Variants in PADI2 observed in about 807,000 individuals in gnomAD.
PADI2 encodes peptidyl arginine deiminase 2, also known as protein-arginine deiminase type-2.
PADI2 carries 70 observed loss-of-function variants against 81.1 expected under a neutral mutation model. The ratio of observed to expected loss-of-function variants is 0.86; its 90% CI spans 0.71 to 1.05. The LOEUF (loss-of-function observed/expected upper bound fraction) is 1.05. PADI2 is among the 50% of genes least tolerant of loss of function. The pLI is 0.00. For synonymous variants in PADI2, 338 were observed against 358.0 expected (o/e 0.94, Z 0.63); for missense variants, 853 against 889.9 (o/e 0.96, Z 0.53).
chr1:17,078,508 C>T (rs1014607604), intron 11 of PADI2, among the ~76,000 whole-genome samples: 3 of 152,292 alleles, frequency 2.0e-5, no homozygotes, highest in South Asian at 4.1e-4. Flanking sequence ...AAGCAATTCT[C>T]ATGCCTCAGC....
At chr1:17,117,916 T>G (rs1931814285) in intron 1 of PADI2, among the ~76,000 whole-genome samples, 1 of 152,204 alleles carries the variant, frequency 6.6e-6, no homozygotes, top group African/African-American at 2.4e-5. Flanking sequence ...TGCTGTGTTC[T>G]TGTTCTCAGA....
Position 17,075,975 on chromosome 1 carries a change from G to C in PADI2, c.1311-152C>G, listed in dbSNP as rs552497487. 171 of 698,980 alleles carry C rather than the reference G, an allele frequency of 2.4e-4. 1 individual carries two copies. In the African/African-American group the frequency reaches 2.6e-3, roughly 11 times the overall value. 43.3% of individuals were successfully genotyped at this position (698,980 alleles called of 1,614,324 possible). A position where few individuals can be genotyped will look rare whatever the true frequency, so the allele number is the denominator to read the frequency against. ...GACTAGGTTGGGTTAAGAGACCCTG[G>C]CGCAGGCAGTAAGGCGTTTGAGTCC... is the stretch of plus-strand genomic sequence containing the variant. On this transcript the variant is annotated intron_variant, in intron 11 of 15. Transcript: ENST00000375486.
intron 2 of PADI2, among the ~76,000 whole-genome samples, chr1:17,104,676 A>G (rs1213780722): frequency 1.3e-5 from 2 of 151,614 alleles, no homozygotes; most frequent in East Asian, 1.9e-4. Flanking sequence ...CTTGTGATCC[A>G]CCCGCCTCGG....
At chr1:17,112,214 C>G (rs959809417) in intron 1 of PADI2, among the ~76,000 whole-genome samples, 2 of 152,000 alleles carry the variant, frequency 1.3e-5, no homozygotes, top group Admixed American at 1.3e-4. Context: ...GAAATGGCCA[C>G]TAGGTTGGTG....
chr1:17,113,710 G>A (rs1277538293), intron 1 of PADI2, among the ~76,000 whole-genome samples: 1 of 152,226 alleles, frequency 6.6e-6, no homozygotes, highest in Admixed American at 6.5e-5. Context: ...CTAAAGACTG[G>A]CTTCCTGTCC....
chr1:17,113,981 C>A (rs1028868573), intron 1 of PADI2, among the ~76,000 whole-genome samples: 1 of 152,224 alleles, frequency 6.6e-6, no homozygotes, highest in African/African-American at 2.4e-5. Flanking sequence ...CCTGGTTCTC[C>A]TTAGAACACT....
chr1:17,073,826 C>T (rs762161617), intron 13 of PADI2, among the ~76,000 whole-genome samples: 8 of 152,126 alleles, frequency 5.3e-5, no homozygotes, highest in Non-Finnish European at 1.0e-4. Context: ...TGGTTGTCTC[C>T]ACCTGATCAT....
chr1:17,090,274 C>T (rs995953333), intron 6 of PADI2, among the ~76,000 whole-genome samples: 11 of 152,230 alleles, frequency 7.2e-5, no homozygotes, highest in African/African-American at 1.7e-4. Flanking sequence ...CACCACGATC[C>T]GGGACACCCG....
At position 17,116,559 on chromosome 1, in the gene PADI2, T is replaced by C. The variant is rs1244944596; in HGVS notation, c.92+2721A>G. Among the ~76,000 whole-genome samples, 4 of 152,064 alleles carry C rather than the reference T, an allele frequency of 2.6e-5. No homozygotes were observed. The East Asian group carries it at 7.7e-4, about 29-fold the overall frequency. On this transcript the variant is annotated intron_variant, in intron 1 of 15. Coordinates refer to ENST00000375486, the MANE Select transcript of PADI2 (RefSeq NM_007365.3). ...GAAGTCTCTGGGGACAGTGGGCTCG[T>C]GGCCAGGGTGGAAGAGACACAGGCT...
At chr1:17,097,691 G>A (rs933408158) in intron 3 of PADI2, among the ~76,000 whole-genome samples, 3 of 152,162 alleles carry the variant, frequency 2.0e-5, no homozygotes, top group Non-Finnish European at 4.4e-5. Context: ...TCAGCAAATC[G>A]GGCTGGTAAT....
Position 17,075,735 on chromosome 1 carries a change from G to C in PADI2, c.1399C>G (p.Leu467Val), listed in dbSNP as rs771317619. Residue 467 changes from leucine to valine, a missense_variant, in exon 12 of 16, where the codon CTG (leucine) becomes GTG (valine). By Grantham distance (32) the Leu-to-Val change is conservative (BLOSUM62 1). Transcript: ENST00000375486. ...AACTCATCCACGTGGCCCACAGTCA[G>C]CCAGTCTGAGTAGAGCTCCACGGGC... Reference protein sequence around the residue: ...QAPVELYSDWLTVGHVDEFMS... With the variant: ...QAPVELYSDWVTVGHVDEFMS... 3.7e-6 allele frequency: 6 copies of C among 1,614,032 alleles called. No homozygotes were observed. Among genetic ancestry groups the C allele is most frequent in the Non-Finnish European group, 5.1e-6 (6 of 1,179,952 alleles).
intron 6 of PADI2, among the ~76,000 whole-genome samples, chr1:17,088,917 A>AAAAAC (rs1553182359): frequency 1.5e-5 from 2 of 136,442 alleles, no homozygotes; most frequent in Non-Finnish European, 3.1e-5. Flanking sequence ...AAAAAAAAAA[A>AAAAAC]AAAAAAAAAA....
chr1:17,119,447 A>C lies in PADI2; in HGVS notation c.-76T>G, dbSNP rs1931870487. 1 of 1,125,414 alleles carries C rather than the reference A, an allele frequency of 8.9e-7. No individual in the cohort carries two copies. Among genetic ancestry groups the C allele is most frequent in the Admixed American group, 3.2e-5 (1 of 31,060 alleles). 69.7% of individuals were successfully genotyped at this position (1,125,414 alleles called of 1,614,324 possible). Reference sequence around the variant, plus strand: ...CTGCAGCAGGTGCGCCTTCTCCAGCAGCCTGCGCCCCACGGCCCCGCGCGC... The same window carrying C: ...CTGCAGCAGGTGCGCCTTCTCCAGCCGCCTGCGCCCCACGGCCCCGCGCGC... On this transcript the variant is annotated 5_prime_UTR_variant, in exon 1 of 16. Transcript: ENST00000375486. This position sits in a 1 kb window ranked among gnomAD's most constrained non-coding sequence, Gnocchi z 4.8.
chr1:17,092,297 G>T, intron 6 of PADI2, 111 bp downstream of exon 6: 1 of 835,446 alleles, frequency 1.2e-6, no homozygotes, highest in South Asian at 1.9e-5. Flanking sequence ...ATCACTCAGA[G>T]ACCAATCCAG....
In PADI2 at chr1:17,119,201, C is replaced by G. The variant is rs1158408961; in HGVS notation, c.92+79G>C. On this transcript the variant is annotated intron_variant, in intron 1 of 15. Coordinates refer to ENST00000375486, the MANE Select transcript of PADI2 (RefSeq NM_007365.3). The surrounding 1 kb of genome is among the most constrained non-coding windows in gnomAD (Gnocchi z 4.8). ...ACAACTCGGGCTGGACAAAGGCTGT[C>G]CACGTCCCCGAGTCTGAGCGCGTCT... The G allele has an allele frequency of 1.9e-6, 2 of 1,034,898 alleles. No individual in the cohort carries two copies. 64.1% of individuals were successfully genotyped at this position (1,034,898 alleles called of 1,614,324 possible). A position where few individuals can be genotyped will look rare whatever the true frequency, so the allele number is the denominator to read the frequency against.
chr1:17,113,251 CTATTATTAT>C (rs67222510), intron 1 of PADI2, among the ~76,000 whole-genome samples: 121,468 of 148,372 alleles, frequency 0.82, 50,086 homozygotes, highest in African/African-American at 0.92. Context: ...TGAGTATTTA[CTATTATTAT>C]TATTATTATT....
At chr1:17,071,214 T>A (rs985802499) in intron 14 of PADI2, among the ~76,000 whole-genome samples, 192 bp downstream of exon 14, 1 of 152,158 alleles carries the variant, frequency 6.6e-6, no homozygotes, top group Admixed American at 6.5e-5. Flanking sequence ...TCTTTAACCC[T>A]GGGACTTTAG....
At chr1:17,070,928 T>C (rs943381542) in intron 14 of PADI2, among the ~76,000 whole-genome samples, 2 of 152,104 alleles carry the variant, frequency 1.3e-5, no homozygotes, top group Non-Finnish European at 2.9e-5. Flanking sequence ...TCCCAAAGAG[T>C]TGGGATTACA....
At chr1:17,090,580 C>CG (rs1414336178) in intron 6 of PADI2, among the ~76,000 whole-genome samples, 35 of 45,810 alleles carry the variant, frequency 7.6e-4, no homozygotes, top group African/African-American at 2.5e-3. Flanking sequence ...TCGTCCTTTG[C>CG]TTGTGTGTGT....
Sources: allele counts gnomAD v4.1 joint callset (sites outside exome capture counted in the v4.1 genomes callset), GRCh38; gene constraint gnomAD v4.1.1; non-coding constraint Gnocchi (gnomAD v3.1); transcripts MANE v1.5; gene names NCBI Gene and HGNC (gene_info 2026-07-23, HGNC 2026-07-21).